SFMBT2: variants seen among roughly 807,000 people sequenced by gnomAD.
SFMBT2 encodes Scm like with four mbt domains 2.
Under a neutral mutation model 110.1 loss-of-function variants are expected in SFMBT2, and 38 were observed. The observed-to-expected ratio is 0.35, with a 90% CI of 0.27 to 0.45. SFMBT2 has a LOEUF of 0.45. Ranked by LOEUF, SFMBT2 falls within the 20% of genes least tolerant of loss-of-function variation. SFMBT2 has a pLI of 1.00. For synonymous variants in SFMBT2, 425 were observed against 425.4 expected, an observed-to-expected ratio of 1.00 and a Z score of 0.01; for missense variants, 1,011 against 1,094.9, an observed-to-expected ratio of 0.92 and a Z score of 1.08.
At chr10:7,404,207 A>C (rs1160487603) in intron 1 of SFMBT2, among the ~76,000 whole-genome samples, 1 of 152,356 alleles carries the variant, frequency 6.6e-6, no homozygotes, top group East Asian at 1.9e-4. Flanking sequence ...AAATCTCTAG[A>C]CCTACAATCC....
intron 4 of SFMBT2, among the ~76,000 whole-genome samples, chr10:7,339,613 T>C (rs544614290): frequency 3.2e-4 from 48 of 152,294 alleles, no homozygotes; most frequent in Admixed American, 7.8e-4. Context: ...TATATCTTAC[T>C]CTCCACAAAT....
intron 6 of SFMBT2, among the ~76,000 whole-genome samples, chr10:7,282,147 T>C (rs964708573): frequency 2.0e-5 from 3 of 152,196 alleles, no homozygotes; most frequent in African/African-American, 2.4e-5. Flanking sequence ...TTCAGTTAAA[T>C]GAACAACTCA....
chr10:7,362,469 C>G (rs1844753937), intron 4 of SFMBT2, among the ~76,000 whole-genome samples: 1 of 150,718 alleles, frequency 6.6e-6, no homozygotes, highest in Non-Finnish European at 1.5e-5. Context: ...AAACTATCAT[C>G]TAAGATAATA....
chr10:7,342,448 G>A (rs910462468), intron 4 of SFMBT2, among the ~76,000 whole-genome samples: 19 of 118,342 alleles, frequency 1.6e-4, no homozygotes, highest in Admixed American at 9.4e-4. Flanking sequence ...TCGCTCTGTC[G>A]CCCAGGCTGG....
At chr10:7,174,068 G>A (rs916254578) in intron 17 of SFMBT2, among the ~76,000 whole-genome samples, 1 of 152,184 alleles carries the variant, frequency 6.6e-6, no homozygotes, top group Admixed American at 6.5e-5. Context: ...CTGTCGGGAA[G>A]CCGCACAGCA....
At chr10:7,289,541 A>G (rs1842201186) in intron 4 of SFMBT2, among the ~76,000 whole-genome samples, 1 of 152,232 alleles carries the variant, frequency 6.6e-6, no homozygotes, top group African/African-American at 2.4e-5. Flanking sequence ...AGACTCAAGC[A>G]ATCTTTTATG....
chr10:7,286,972 A>C (rs1842108910), intron 4 of SFMBT2, among the ~76,000 whole-genome samples: 1 of 152,200 alleles, frequency 6.6e-6, no homozygotes, highest in South Asian at 2.1e-4. Flanking sequence ...AAAGAGTCTA[A>C]AAGCAGGGAA....
chr10:7,191,477 T>C (rs1287386759), intron 15 of SFMBT2, among the ~76,000 whole-genome samples: 1 of 152,232 alleles, frequency 6.6e-6, no homozygotes, highest in Non-Finnish European at 1.5e-5. Flanking sequence ...GCCTTTCCTC[T>C]GCTCTGTTCT....
intron 7 of SFMBT2, among the ~76,000 whole-genome samples, chr10:7,254,207 A>C (rs1840917035): frequency 6.6e-6 from 1 of 152,166 alleles, no homozygotes; most frequent in Non-Finnish European, 1.5e-5. Context: ...GGATGACAAA[A>C]ACCCAATGAT....
At chr10:7,346,103 A>G (rs1409879) in intron 4 of SFMBT2, among the ~76,000 whole-genome samples, 7,171 of 152,316 alleles carry the variant, frequency 0.047, 240 homozygotes, top group Non-Finnish European at 0.075. Context: ...ACGTCCAAGC[A>G]GCAGAAGCTA....
chr10:7,216,135 T>C (rs1839527685), intron 11 of SFMBT2, among the ~76,000 whole-genome samples: 1 of 152,228 alleles, frequency 6.6e-6, no homozygotes, highest in Non-Finnish European at 1.5e-5. Context: ...GGAGCCTGCG[T>C]TCACACCTGG....
intron 9 of SFMBT2, among the ~76,000 whole-genome samples, chr10:7,229,232 G>C (rs1360631236): frequency 1.3e-5 from 2 of 152,034 alleles, no homozygotes; most frequent in African/African-American, 4.8e-5. Context: ...CTTATCATAA[G>C]GACTTTTAGT....
Position 7,371,989 on chromosome 10 carries a change from C to T in SFMBT2, c.101-1614G>A, listed in dbSNP as rs187319106. ...TCATCCAGGCTGGAGTGCAGTGGCG[C>T]GATCTCAGCTCACTACAACCTCCAC... On this transcript the variant is annotated intron_variant, in intron 2 of 20. Coordinates refer to ENST00000397167, the MANE Select transcript of SFMBT2 (RefSeq NM_001387889.1). Among the ~76,000 whole-genome samples, 11 of 132,960 alleles carry T rather than the reference C, an allele frequency of 8.3e-5. No individual in the cohort carries two copies. In the East Asian group the frequency reaches 1.2e-3, roughly 14 times the overall value. The allele number at this position is 132,960 out of a possible 152,430, so 87.2% of individuals were successfully genotyped here. A position where few individuals can be genotyped will look rare whatever the true frequency, so the allele number is the denominator to read the frequency against.
At chr10:7,335,186 TG>T (rs1468300080) in intron 4 of SFMBT2, among the ~76,000 whole-genome samples, 3 of 152,268 alleles carry the variant, frequency 2.0e-5, no homozygotes, top group African/African-American at 7.2e-5. Context: ...GAGTTTCCAA[TG>T]GGGGAGAGGA....
At chr10:7,388,586 G>A (rs1268296385) in intron 1 of SFMBT2, among the ~76,000 whole-genome samples, 1 of 144,442 alleles carries the variant, frequency 6.9e-6, no homozygotes, top group Non-Finnish European at 1.5e-5. Flanking sequence ...ATGTTGGCCA[G>A]GCTGGTCTCA....
intron 2 of SFMBT2, chr10:7,370,698 AC>A (rs1845037916): frequency 3.8e-6 from 1 of 260,726 alleles, no homozygotes. Flanking sequence ...GCTGCAGTAG[AC>A]ATCCCAGCCT....
At chr10:7,346,757 G>A (rs1844122935) in intron 4 of SFMBT2, among the ~76,000 whole-genome samples, 2 of 149,346 alleles carry the variant, frequency 1.3e-5, no homozygotes, top group Admixed American at 1.3e-4. Context: ...ATCACTTGAG[G>A]TCAAGAGTTC....
rs767281188 is a variant in SFMBT2, at chr10:7,367,606, G to A, written c.436+43C>T. 29 of 1,587,398 alleles carry A rather than the reference G, an allele frequency of 1.8e-5. No homozygotes were observed. The highest frequency in any genetic ancestry group is 2.4e-5 in the Non-Finnish European group (28 of 1,166,328). On this transcript the variant is annotated intron_variant, in intron 4 of 20. Transcript: ENST00000397167. The surrounding 1 kb of genome is among the most constrained non-coding windows in gnomAD (Gnocchi z 6.2). ...CTTGCAAAATTACAGGCGTCATGAA[G>A]GATGGCGGCTCGTAAATCGAAGCCT...
intron 4 of SFMBT2, among the ~76,000 whole-genome samples, chr10:7,308,567 A>G (rs949656271): frequency 5.9e-5 from 9 of 152,206 alleles, no homozygotes; most frequent in Non-Finnish European, 1.3e-4. Flanking sequence ...AGATGGGGAC[A>G]TAAAACTTCC....
Sources: gnomAD v4.1 joint callset for allele counts (sites outside exome capture counted in the v4.1 genomes callset) on GRCh38, gnomAD v4.1.1 for gene constraint, Gnocchi (gnomAD v3.1) non-coding constraint, MANE v1.5 for transcripts, NCBI Gene and HGNC (gene_info 2026-07-23, HGNC 2026-07-21) for gene names.